The following PC variants were observed in gnomAD, a reference collection of about 807,000 sequenced individuals.
PC encodes the protein pyruvate carboxylase.
PC carries 46 observed loss-of-function variants against 107.8 expected under a neutral mutation model. The ratio of observed to expected loss-of-function variants is 0.43; its 90% CI spans 0.34 to 0.55. PC has a LOEUF of 0.55. Ranked by LOEUF, PC falls within the 20% of genes least tolerant of loss-of-function variation. The pLI is 0.04. For synonymous variants in PC, 662 were observed against 684.7 expected, an observed-to-expected ratio of 0.97 and a Z score of 0.52; for missense variants, 1,241 against 1,643.1, an observed-to-expected ratio of 0.76 and a Z score of 4.23.
At chr11:66,927,800 G>A (rs925070917) in intron 3 of PC, among the ~76,000 whole-genome samples, 4 of 151,992 alleles carry the variant, frequency 2.6e-5, no homozygotes, top group African/African-American at 9.7e-5. Flanking sequence ...GCTGGATGGT[G>A]TCAAGCCTAC....
intron 3 of PC, among the ~76,000 whole-genome samples, chr11:66,945,869 G>T (rs1237823243): frequency 1.4e-5 from 2 of 141,908 alleles, no homozygotes; most frequent in Admixed American, 6.9e-5. Context: ...GGTGGATCAT[G>T]AGGTCAGGAG....
At chr11:66,862,460 C>T (rs1279318718) in intron 12 of PC, among the ~76,000 whole-genome samples, 8 of 152,214 alleles carry the variant, frequency 5.3e-5, no homozygotes, top group South Asian at 2.1e-4. Flanking sequence ...CAAGCAACTG[C>T]GCCTCGATGA....
At chr11:66,862,293 G>A (rs1191790152) in intron 12 of PC, among the ~76,000 whole-genome samples, 2 of 152,220 alleles carry the variant, frequency 1.3e-5, no homozygotes, top group Admixed American at 6.5e-5. Flanking sequence ...TAGGAAGTGC[G>A]CTGTTCCCTC....
chr11:66,914,520 A>AAAAAG (rs1811244078), intron 3 of PC, among the ~76,000 whole-genome samples: 2 of 151,790 alleles, frequency 1.3e-5, no homozygotes, highest in African/African-American at 4.8e-5. Context: ...TCAAAAAAAA[A>AAAAAG]AAAGAAAGAA....
In PC at chr11:66,907,417, C is replaced by T. The variant is rs186791989; in HGVS notation, c.1-35258G>A. On this transcript the variant is annotated intron_variant, in intron 3 of 22. Coordinates refer to ENST00000393960, the MANE Select transcript of PC (RefSeq NM_001040716.2). ...TGGCACACACGTGTAATCCCAGCTA[C>T]TCGGGAGGCTGAGGCAGAAGAATCG... 2.6e-3 allele frequency among the ~76,000 whole-genome samples: 390 copies of T among 152,264 alleles called. 2 individuals carry two copies. The highest frequency in any genetic ancestry group is 4.7e-3 in the Non-Finnish European group (321 of 68,026).
intron 13 of PC, 114 bp downstream of exon 13, chr11:66,853,125 G>T: frequency 8.3e-7 from 1 of 1,204,454 alleles, no homozygotes. Flanking sequence ...GCAGGGGTGA[G>T]GGGCAGGGGG....
Position 66,859,493 on chromosome 11 carries a change from C to T in PC, c.1368+4281G>A, listed in dbSNP as rs868191334. 1.1e-4 allele frequency: 166 copies of T among 1,472,812 alleles called. No homozygotes were observed. In the Middle Eastern group the frequency reaches 3.2e-3, roughly 28 times the overall value. 91.2% of individuals were successfully genotyped at this position (1,472,812 alleles called of 1,614,324 possible). On this transcript the variant is annotated intron_variant, in intron 12 of 22. Coordinates refer to ENST00000393960, the MANE Select transcript of PC (RefSeq NM_001040716.2). ...ACACCCATCTCCTGGCCACACTCTC[C>T]AGCCTGTTCACCTTCCTGAGTGAAC...
intron 12 of PC, among the ~76,000 whole-genome samples, chr11:66,854,016 G>A (rs771145061): frequency 6.6e-6 from 1 of 152,218 alleles, no homozygotes; most frequent in Non-Finnish European, 1.5e-5. Context: ...GCAAGTCCAC[G>A]GCCAGCTTCC....
At chr11:66,889,023 G>A (rs761886633) in intron 3 of PC, among the ~76,000 whole-genome samples, 2 of 152,134 alleles carry the variant, frequency 1.3e-5, no homozygotes, top group Admixed American at 6.5e-5. Flanking sequence ...GCTGTGAGCC[G>A]AGATCGCGAC....
chr11:66,849,086 G>A lies in PC; in HGVS notation c.3350C>T (p.Pro1117Leu), dbSNP rs774487294. ...CACTTTGATGTCTATCACCTTCCCA[G>A]GCATGGGCGCCCCGATCTGGCCCTT... is the stretch of plus-strand genomic sequence containing the variant. ...DVKGQIGAPM[P>L]GKVIDIKVVA... The change falls in exon 23 of 23, where the codon CCT becomes CTT. Residue 1117 changes from proline (P) to leucine (L), a missense_variant. Transcript: ENST00000393960. The A allele has an allele frequency of 1.9e-6, 3 of 1,614,158 alleles. No individual in the cohort carries two copies. The highest frequency in any genetic ancestry group is 1.1e-5 in the South Asian group (1 of 91,092).
At chr11:66,859,197 A>AC (rs750645465) in intron 12 of PC, 260 of 1,327,686 alleles carry the variant, frequency 2.0e-4, no homozygotes, top group Non-Finnish European at 2.3e-4. Flanking sequence ...TGGGGCTGAC[A>AC]CCCCCTCCCC....
In PC at chr11:66,852,311, TTCGGTC is replaced by T. The variant is rs1565214812; in HGVS notation, c.1825+122_1825+127del. 5 of 860,446 alleles carry T rather than the reference TTCGGTC, an allele frequency of 5.8e-6. No individual in the cohort carries two copies. The African/African-American group carries it at 8.3e-5, about 14-fold the overall frequency. The allele number at this position is 860,446 out of a possible 1,614,324, so 53.3% of individuals were successfully genotyped here. ...TGGCCGGAGAGGGCGCTGTGCCTTC[TTCGGTC>T]CTTCCTCTTTGGTGTTCTTCGTGTC... On this transcript the variant is annotated intron_variant, in intron 15 of 22. Coordinates refer to ENST00000393960, the MANE Select transcript of PC (RefSeq NM_001040716.2). This position sits in a 1 kb window ranked among gnomAD's most constrained non-coding sequence, Gnocchi z 4.7.
At chr11:66,908,989 G>A (rs1453421795) in intron 3 of PC, among the ~76,000 whole-genome samples, 1 of 152,180 alleles carries the variant, frequency 6.6e-6, no homozygotes, top group Non-Finnish European at 1.5e-5. Flanking sequence ...GGGGCTACCC[G>A]GAAGGTGAGC....
rs750150318 is a variant in PC at position 66,848,751 on chromosome 11, G to A, written c.*148C>T. 63 of 913,580 alleles carry A rather than the reference G, an allele frequency of 6.9e-5. No individual in the cohort carries two copies. Among genetic ancestry groups the A allele is most frequent in the East Asian group, 1.8e-4 (7 of 38,966 alleles). The allele number at this position is 913,580 out of a possible 1,614,324, so 56.6% of individuals were successfully genotyped here. A position where few individuals can be genotyped will look rare whatever the true frequency, so the allele number is the denominator to read the frequency against. ...CGATGGCTGAAAGGAATGAACCACCGCAGGCGGTGTCTCTCCTGTCCAGCT... is the reference window on the plus strand; with the variant it reads ...CGATGGCTGAAAGGAATGAACCACCACAGGCGGTGTCTCTCCTGTCCAGCT... On this transcript the variant is annotated 3_prime_UTR_variant, in exon 23 of 23. Transcript: ENST00000393960.
intron 12 of PC, 152 bp from the exon 13 acceptor site, chr11:66,853,535 A>G (rs1945633605): frequency 3.3e-6 from 3 of 898,424 alleles, no homozygotes; most frequent in South Asian, 1.4e-5. Flanking sequence ...CCCGTCCCTC[A>G]GCCCTCTCCT....
In PC at chr11:66,849,961, C is replaced by T. The variant is rs1131855; in HGVS notation, c.2874G>A (p.Gly958=). The T allele has an allele frequency of 1.9e-6, 3 of 1,613,552 alleles. No individual in the cohort carries two copies. Among genetic ancestry groups the T allele is most frequent in the South Asian group, 2.2e-5 (2 of 91,084 alleles). The change falls in exon 20 of 23, where the codon GGG becomes GGA. Residue 958 remains glycine, a synonymous_variant. Transcript: ENST00000393960. ...LQGYIGVPHG[G]FPEPFRSKVL... ...CCTTAGAGCGAAAGGGTTCGGGGAA[C>T]CCCCCATGGGGGACACCGATGTAGC...
At chr11:66,928,754 A>C (rs1364227609) in intron 3 of PC, among the ~76,000 whole-genome samples, 1 of 151,966 alleles carries the variant, frequency 6.6e-6, no homozygotes, top group Non-Finnish European at 1.5e-5. Context: ...TGAACTCCCA[A>C]CCTCAAGTGA....
At chr11:66,943,865 T>G (rs1271379454) in intron 3 of PC, among the ~76,000 whole-genome samples, 3 of 146,882 alleles carry the variant, frequency 2.0e-5, no homozygotes, top group Non-Finnish European at 4.5e-5. Flanking sequence ...GCGCGTGTAT[T>G]CCCAGCTAAT....
At chr11:66,910,587 C>T (rs534354376) in intron 3 of PC, among the ~76,000 whole-genome samples, 5 of 152,312 alleles carry the variant, frequency 3.3e-5, no homozygotes, top group South Asian at 4.1e-4. Context: ...ACTCACCATA[C>T]GGCCGGTGGA....
Sources: gnomAD v4.1 joint callset for allele counts (sites outside exome capture counted in the v4.1 genomes callset) on GRCh38, gnomAD v4.1.1 for gene constraint, Gnocchi (gnomAD v3.1) non-coding constraint, MANE v1.5 for transcripts, NCBI Gene and HGNC (gene_info 2026-07-23, HGNC 2026-07-21) for gene names.